The following CNTNAP2 variants were observed in gnomAD, a reference collection of about 807,000 sequenced individuals.
CNTNAP2 encodes the protein contactin-associated protein-like 2.
CNTNAP2 carries 98 observed loss-of-function variants against 155.2 expected under a neutral mutation model. The observed-to-expected ratio is 0.63, with a 90% confidence interval of 0.54 to 0.75. The LOEUF (loss-of-function observed/expected upper bound fraction) is 0.75. CNTNAP2 is among the 30% of genes least tolerant of loss of function. The pLI, the probability that CNTNAP2 is intolerant of heterozygous loss-of-function variation, is 0.00. For synonymous variants in CNTNAP2, 651 were observed against 631.2 expected (o/e 1.03, Z -0.47); for missense variants, 1,727 against 1,688.1 (o/e 1.02, Z -0.40).
intron 1 of CNTNAP2, among the ~76,000 whole-genome samples, chr7:146,344,687 C>A (rs1794793470): frequency 6.6e-6 from 1 of 152,098 alleles, no homozygotes; most frequent in Non-Finnish European, 1.5e-5. Context: ...CCATGTTGGG[C>A]AGGCTGGTCT....
Position 147,155,116 on chromosome 7 carries a change from A to G in CNTNAP2, c.1348+22607A>G, listed in dbSNP as rs149697073. Among the ~76,000 whole-genome samples, 38 of 152,242 alleles carry G rather than the reference A, an allele frequency of 2.5e-4. No homozygotes were observed. In the East Asian group the frequency reaches 7.2e-3, roughly 29 times the overall value. On this transcript the variant is annotated intron_variant, in intron 8 of 23. Coordinates refer to ENST00000361727, the MANE Select transcript of CNTNAP2 (RefSeq NM_014141.6). ...TTGAAATCCTAACCGCGGAGGTGAG[A>G]GTATTTGGAGATAAGACTTTGCAAG...
intron 8 of CNTNAP2, among the ~76,000 whole-genome samples, chr7:147,171,226 A>G (rs1288072924): frequency 6.6e-6 from 1 of 152,004 alleles, no homozygotes; most frequent in African/African-American, 2.4e-5. Context: ...GCATTCAGGC[A>G]CCTCCCACAG....
intron 1 of CNTNAP2, among the ~76,000 whole-genome samples, chr7:146,288,529 G>GAA (rs779452141): frequency 1.7e-4 from 25 of 151,342 alleles, no homozygotes; most frequent in Non-Finnish European, 3.1e-4. Flanking sequence ...ACGTTGATGA[G>GAA]AAAAAAAAGT....
At chr7:147,002,989 A>G (rs912272791) in intron 3 of CNTNAP2, among the ~76,000 whole-genome samples, 1 of 151,678 alleles carries the variant, frequency 6.6e-6, no homozygotes, top group Admixed American at 6.6e-5. Context: ...AAACTGGAAA[A>G]GAAGACAAGG....
At chr7:147,012,904 C>T (rs1238033693) in intron 3 of CNTNAP2, among the ~76,000 whole-genome samples, 1 of 152,040 alleles carries the variant, frequency 6.6e-6, no homozygotes, top group African/African-American at 2.4e-5. Flanking sequence ...CCAGTGTAAA[C>T]ACAGATGTGT....
At chr7:147,501,478 T>C (rs1041067177) in intron 11 of CNTNAP2, among the ~76,000 whole-genome samples, 1 of 152,232 alleles carries the variant, frequency 6.6e-6, no homozygotes, top group Non-Finnish European at 1.5e-5. Context: ...TATAGAGAGA[T>C]GTCCCTGACT....
chr7:146,258,443 G>A (rs1799872491), intron 1 of CNTNAP2, among the ~76,000 whole-genome samples: 1 of 151,922 alleles, frequency 6.6e-6, no homozygotes, highest in Non-Finnish European at 1.5e-5. Flanking sequence ...TATATTTTAT[G>A]CTTTATTTAT....
chr7:146,299,476 T>C (rs906244667), intron 1 of CNTNAP2, among the ~76,000 whole-genome samples: 3 of 152,136 alleles, frequency 2.0e-5, no homozygotes, highest in Non-Finnish European at 4.4e-5. Flanking sequence ...CTAGAACCCC[T>C]GGGCTCAAGT....
chr7:147,320,059 G>T (rs1295788744), intron 9 of CNTNAP2, among the ~76,000 whole-genome samples: 4 of 152,126 alleles, frequency 2.6e-5, no homozygotes, highest in Non-Finnish European at 5.9e-5. Context: ...ACAAGTGGTG[G>T]ATTGCATCTA....
At chr7:146,163,493 CTATATCTA>C (rs1254471526) in intron 1 of CNTNAP2, among the ~76,000 whole-genome samples, 3 of 127,316 alleles carry the variant, frequency 2.4e-5, no homozygotes, top group African/African-American at 5.9e-5. Flanking sequence ...CTATCTATAT[CTATATCTA>C]TATATCTATA....
chr7:146,968,461 G>A (rs1228037211), intron 3 of CNTNAP2, among the ~76,000 whole-genome samples: 7 of 151,718 alleles, frequency 4.6e-5, no homozygotes, highest in African/African-American at 7.3e-5. Context: ...TGGTTGGTAA[G>A]CTATTGATTA....
intron 1 of CNTNAP2, among the ~76,000 whole-genome samples, chr7:146,735,734 C>CATA (rs1400866950): frequency 1.5e-5 from 2 of 135,326 alleles, no homozygotes; most frequent in African/African-American, 7.7e-5. Context: ...GAGAATAGAA[C>CATA]TGTAGTTACT....
Position 148,283,310 on chromosome 7 carries a change from AG to A in CNTNAP2, c.3475+16186del, listed in dbSNP as rs759080798. On this transcript the variant is annotated intron_variant, in intron 21 of 23. Coordinates refer to ENST00000361727, the MANE Select transcript of CNTNAP2 (RefSeq NM_014141.6). ...AAGAAAGAAAGAAAGAAAGAAAGGA[AG>A]GAAGGAAGGAAAGAAAGAAAGAATT... Among the ~76,000 whole-genome samples the A allele has an allele frequency of 3.0e-5, 2 of 67,670 alleles. 1 individual carries two copies. Among genetic ancestry groups the A allele is most frequent in the African/African-American group, 1.5e-4 (2 of 13,692 alleles). The allele number at this position is 67,670 out of a possible 152,430, so 44.4% of individuals were successfully genotyped here.
intron 1 of CNTNAP2, among the ~76,000 whole-genome samples, chr7:146,676,481 T>A (rs982190118): frequency 3.9e-5 from 6 of 152,004 alleles, no homozygotes; most frequent in African/African-American, 1.4e-4. Flanking sequence ...TCATTTTAGA[T>A]ACCGGGAGTA....
At chr7:146,153,981 A>T (rs934653594) in intron 1 of CNTNAP2, among the ~76,000 whole-genome samples, 2 of 152,104 alleles carry the variant, frequency 1.3e-5, no homozygotes, top group Non-Finnish European at 2.9e-5. Flanking sequence ...AAATACATTC[A>T]TATGAATGTA....
At chr7:146,529,973 A>ACAACAACAG (rs1289425629) in intron 1 of CNTNAP2, among the ~76,000 whole-genome samples, 7 of 151,804 alleles carry the variant, frequency 4.6e-5, no homozygotes, top group African/African-American at 1.7e-4. Flanking sequence ...CAAAACAACA[A>ACAACAACAG]CAACAACAAC....
chr7:147,919,704 C>T (rs1032865321), intron 14 of CNTNAP2, among the ~76,000 whole-genome samples: 4 of 151,470 alleles, frequency 2.6e-5, no homozygotes, highest in East Asian at 2.0e-4. Context: ...GTGATCCGCC[C>T]GCCTCGGCCT....
chr7:148,365,759 T>C (rs35433003), intron 21 of CNTNAP2, among the ~76,000 whole-genome samples: 38,681 of 62,690 alleles, frequency 0.62, 16,729 homozygotes, highest in Admixed American at 0.82. Context: ...TACATGTATG[T>C]GTATACGTGT....
At chr7:147,476,206 C>T (rs1350345203) in intron 10 of CNTNAP2, among the ~76,000 whole-genome samples, 2 of 151,940 alleles carry the variant, frequency 1.3e-5, no homozygotes, top group African/African-American at 2.4e-5. Flanking sequence ...CCTGGGTTCA[C>T]ACCATTCTCC....
Sources: gnomAD v4.1 joint callset for allele counts (sites outside exome capture counted in the v4.1 genomes callset) on GRCh38, gnomAD v4.1.1 for gene constraint, MANE v1.5 for transcripts, NCBI Gene and HGNC (gene_info 2026-07-23, HGNC 2026-07-21) for gene names.